Variants in PDGFD observed in about 807,000 individuals in gnomAD.
PDGFD encodes the protein platelet-derived growth factor D.
A neutral mutation model predicts 44.7 loss-of-function variants in PDGFD; 30 were observed. The ratio of observed to expected loss-of-function variants is 0.67; its 90% CI spans 0.50 to 0.91. The LOEUF (loss-of-function observed/expected upper bound fraction) is 0.91, where lower values mean the gene tolerates loss of function less well. Ranked by LOEUF, PDGFD falls within the 40% of genes least tolerant of loss-of-function variation. The pLI is 0.00. For synonymous variants in PDGFD, 173 were observed against 168.4 expected (o/e 1.03, Z -0.21); for missense variants, 445 against 457.8 (o/e 0.97, Z 0.25).
intron 1 of PDGFD, among the ~76,000 whole-genome samples, chr11:104,031,564 C>T (rs893642860): frequency 6.6e-6 from 1 of 152,162 alleles, no homozygotes; most frequent in African/African-American, 2.4e-5. Context: ...ATTAGTTCAA[C>T]CATTGTGGAA....
chr11:104,129,626 C>T (rs183705117), intron 1 of PDGFD, among the ~76,000 whole-genome samples: 135 of 152,174 alleles, frequency 8.9e-4, no homozygotes, highest in African/African-American at 2.8e-3. Flanking sequence ...GAAGTTGCCA[C>T]CTGAGATCCT....
intron 5 of PDGFD, among the ~76,000 whole-genome samples, chr11:103,937,601 G>A (rs542247326): frequency 6.7e-6 from 1 of 148,990 alleles, no homozygotes; most frequent in Non-Finnish European, 1.5e-5. Context: ...TATGCACAAT[G>A]TGCAGGTTTG....
intron 1 of PDGFD, among the ~76,000 whole-genome samples, chr11:104,062,746 G>A (rs1202501514): frequency 6.6e-6 from 1 of 152,168 alleles, no homozygotes; most frequent in East Asian, 1.9e-4. Flanking sequence ...AAACAGGGAT[G>A]TTTGAAAATT....
intron 1 of PDGFD, among the ~76,000 whole-genome samples, chr11:104,052,897 ACT>A (rs1430713366): frequency 1.6e-5 from 2 of 123,478 alleles, no homozygotes; most frequent in Non-Finnish European, 3.3e-5. Flanking sequence ...TATCAGAAAG[ACT>A]CTGTAGGATT....
chr11:103,983,144 C>T (rs1413434042), intron 3 of PDGFD, among the ~76,000 whole-genome samples: 1 of 151,844 alleles, frequency 6.6e-6, no homozygotes, highest in Admixed American at 6.6e-5. Flanking sequence ...AAGCTGGAGG[C>T]ATCACACAAC....
At chr11:103,970,761 AG>A (rs1859091459) in intron 3 of PDGFD, among the ~76,000 whole-genome samples, 1 of 152,164 alleles carries the variant, frequency 6.6e-6, no homozygotes, top group Non-Finnish European at 1.5e-5. Context: ...ATGAAGGGAA[AG>A]AATTGTTTAT....
At chr11:104,145,915 A>C (rs1862155956) in intron 1 of PDGFD, among the ~76,000 whole-genome samples, 1 of 152,226 alleles carries the variant, frequency 6.6e-6, no homozygotes, top group Non-Finnish European at 1.5e-5. Context: ...GGAGGAAAGA[A>C]CATGTGAAGA....
intron 1 of PDGFD, among the ~76,000 whole-genome samples, chr11:104,144,656 T>C (rs1826104070): frequency 6.6e-6 from 1 of 152,152 alleles, no homozygotes; most frequent in Admixed American, 6.5e-5. Context: ...ATCACCAATC[T>C]TACTGAAGCT....
At chr11:104,106,630 C>A (rs1211538050) in intron 1 of PDGFD, among the ~76,000 whole-genome samples, 1 of 152,052 alleles carries the variant, frequency 6.6e-6, no homozygotes, top group Non-Finnish European at 1.5e-5. Flanking sequence ...CTATTAATTC[C>A]AGGCCTTTAG....
At chr11:104,127,448 T>G (rs2119830550) in intron 1 of PDGFD, among the ~76,000 whole-genome samples, 1 of 152,276 alleles carries the variant, frequency 6.6e-6, no homozygotes, top group Admixed American at 6.5e-5. Flanking sequence ...CCAGATTCAC[T>G]TTTTGAAGGG....
intron 1 of PDGFD, among the ~76,000 whole-genome samples, chr11:104,137,092 A>G (rs1193390092): frequency 1.3e-5 from 2 of 152,174 alleles, no homozygotes; most frequent in African/African-American, 2.4e-5. Flanking sequence ...GTATTTCCCA[A>G]GCTTGGGTCT....
intron 1 of PDGFD, among the ~76,000 whole-genome samples, chr11:104,103,361 T>C (rs1010333512): frequency 5.9e-5 from 9 of 151,834 alleles, no homozygotes; most frequent in Middle Eastern, 6.8e-3. Flanking sequence ...CCTATTTGTG[T>C]GTATCCACTT....
At chr11:103,977,172 C>G (rs1859196935) in intron 3 of PDGFD, among the ~76,000 whole-genome samples, 1 of 151,988 alleles carries the variant, frequency 6.6e-6, no homozygotes, top group African/African-American at 2.4e-5. Flanking sequence ...AGACCAATAA[C>G]AAGTTCTGAA....
chr11:103,958,062 A>C (rs1858884130), intron 3 of PDGFD, among the ~76,000 whole-genome samples: 1 of 151,870 alleles, frequency 6.6e-6, no homozygotes, highest in African/African-American at 2.4e-5. Context: ...AAAAAAAAAA[A>C]CTCTGTGATT....
intron 1 of PDGFD, among the ~76,000 whole-genome samples, chr11:104,103,477 TATATATATATATATATATGA>T (rs2134447279): frequency 7.0e-6 from 1 of 142,246 alleles, no homozygotes; most frequent in African/African-American, 2.8e-5. Context: ...TATATATATA[TATATATATATATATATATGA>T]ATATATGCTT....
intron 1 of PDGFD, among the ~76,000 whole-genome samples, chr11:104,093,440 C>T (rs190499301): frequency 9.6e-4 from 146 of 152,186 alleles, no homozygotes; most frequent in African/African-American, 3.1e-3. Context: ...TTCCTCTAGG[C>T]CTACCCCTAC....
chr11:103,943,562 T>A lies in PDGFD; in HGVS notation c.662A>T (p.Glu221Val). The A allele has an allele frequency of 6.2e-7, 1 of 1,613,336 alleles. No individual in the cohort carries two copies. The highest frequency in any genetic ancestry group is 1.7e-4 in the Middle Eastern group (1 of 6,050). The change falls in exon 5 of 7, where the codon GAA becomes GTA. Residue 221 changes from glutamate (E) to valine (V), a missense_variant. Coordinates refer to ENST00000393158, the MANE Select transcript of PDGFD (RefSeq NM_025208.5). ...TGGATTGAAGTACTTGAGCAGATCT[T>A]CCACTGTATCAAATTCTGCAATTTT... is the stretch of plus-strand genomic sequence containing the variant. ...DKKIAEFDTV[E>V]DLLKYFNPES...
At chr11:104,123,976 A>C (rs1477128904) in intron 1 of PDGFD, among the ~76,000 whole-genome samples, 1 of 141,396 alleles carries the variant, frequency 7.1e-6, no homozygotes, top group African/African-American at 2.7e-5. Context: ...AACAGGAAAA[A>C]GTGATTATTT....
intron 1 of PDGFD, among the ~76,000 whole-genome samples, chr11:104,118,759 A>G (rs572761493): frequency 1.7e-5 from 2 of 115,194 alleles, no homozygotes; most frequent in Admixed American, 1.2e-4. Flanking sequence ...TATAGTATAT[A>G]TTATAAATAT....
Sources: gnomAD v4.1 joint callset for allele counts (sites outside exome capture counted in the v4.1 genomes callset) on GRCh38, gnomAD v4.1.1 for gene constraint, MANE v1.5 for transcripts, NCBI Gene and HGNC (gene_info 2026-07-23, HGNC 2026-07-21) for gene names.